Variants in LINGO2 observed in about 807,000 individuals in gnomAD.
LINGO2 encodes leucine rich repeat and Ig domain containing 2, also known as leucine-rich repeat and immunoglobulin-like domain-containing nogo receptor-interacting protein 2.
A neutral mutation model predicts 30.6 loss-of-function variants in LINGO2; 14 were observed. The ratio of observed to expected loss-of-function variants is 0.46; its 90% CI spans 0.30 to 0.72. The LOEUF (loss-of-function observed/expected upper bound fraction) is 0.72, where lower values mean the gene tolerates loss of function less well. LINGO2 is among the 30% of genes least tolerant of loss of function. The pLI is 0.07. For synonymous variants in LINGO2, 317 were observed against 288.5 expected, an observed-to-expected ratio of 1.10 and a Z score of -1.00; for missense variants, 729 against 751.7, an observed-to-expected ratio of 0.97 and a Z score of 0.35.
chr9:28,697,364 T>C, the LINGO2 span, among the ~76,000 whole-genome samples: 1 of 152,144 alleles, frequency 6.6e-6, no homozygotes, highest in African/African-American at 2.4e-5. Context: ...TCAGTGAATA[T>C]AACTTCTGAA....
At chr9:27,952,504 A>T (rs1398731400) in intron 5 of LINGO2, among the ~76,000 whole-genome samples, 1 of 152,002 alleles carries the variant, frequency 6.6e-6, no homozygotes, top group African/African-American at 2.4e-5. Flanking sequence ...CAGTAAAAAA[A>T]TTATGAAAAC....
the LINGO2 span, among the ~76,000 whole-genome samples, chr9:28,831,116 C>T: frequency 6.6e-6 from 1 of 152,098 alleles, no homozygotes; most frequent in Admixed American, 6.5e-5. Flanking sequence ...CTCCTGTCAC[C>T]TCATAAAAAA....
chr9:28,921,904 C>G, the LINGO2 span, among the ~76,000 whole-genome samples: 1 of 152,116 alleles, frequency 6.6e-6, no homozygotes, highest in South Asian at 2.1e-4. Flanking sequence ...GGATTCTTCC[C>G]TGAGGTGTTG....
chr9:29,187,639 TG>T, the LINGO2 span, among the ~76,000 whole-genome samples: 6 of 152,186 alleles, frequency 3.9e-5, no homozygotes, highest in African/African-American at 1.4e-4. Flanking sequence ...GGTGCTTAAG[TG>T]GGAAATACAT....
At chr9:29,211,027 C>T in the LINGO2 span, among the ~76,000 whole-genome samples, 3 of 152,156 alleles carry the variant, frequency 2.0e-5, no homozygotes, top group African/African-American at 7.2e-5. Context: ...AATATTTTCA[C>T]CAATGATGGA....
the LINGO2 span, among the ~76,000 whole-genome samples, chr9:29,046,322 G>T: frequency 2.6e-5 from 4 of 152,052 alleles, no homozygotes; most frequent in African/African-American, 7.2e-5. Context: ...GAACAAACCT[G>T]GAGGCATCAC....
chr9:28,728,547 A>G, the LINGO2 span, among the ~76,000 whole-genome samples: 1 of 152,306 alleles, frequency 6.6e-6, no homozygotes, highest in Non-Finnish European at 1.5e-5. Context: ...CATATCCATA[A>G]AATAAACTGT....
chr9:28,089,638 C>T (rs1017177308), intron 4 of LINGO2, among the ~76,000 whole-genome samples: 2 of 152,116 alleles, frequency 1.3e-5, no homozygotes, highest in African/African-American at 4.8e-5. Context: ...GACAACCTAA[C>T]ATCACAATGA....
chr9:28,297,470 A>C (rs561284811), intron 3 of LINGO2, among the ~76,000 whole-genome samples: 23 of 152,202 alleles, frequency 1.5e-4, no homozygotes, highest in Non-Finnish European at 2.4e-4. Context: ...TCTCTTCATG[A>C]AAAGATTATC....
chr9:28,244,017 A>G (rs1314209052), intron 4 of LINGO2, among the ~76,000 whole-genome samples: 2 of 152,224 alleles, frequency 1.3e-5, no homozygotes, highest in Admixed American at 1.3e-4. Context: ...AAACAATAGA[A>G]TATACATTCT....
chr9:28,015,344 T>G (rs1012568639), intron 4 of LINGO2, among the ~76,000 whole-genome samples: 7 of 152,144 alleles, frequency 4.6e-5, no homozygotes, highest in African/African-American at 1.7e-4. Flanking sequence ...ACAAATTTTT[T>G]ATCCCATGGA....
At chr9:28,558,819 C>T (rs1822888331) in intron 1 of LINGO2, among the ~76,000 whole-genome samples, 3 of 151,918 alleles carry the variant, frequency 2.0e-5, no homozygotes, top group African/African-American at 2.4e-5. Context: ...TGCTTTTGAG[C>T]TCGTGTGTGT....
At chr9:28,790,325 C>CTT in the LINGO2 span, among the ~76,000 whole-genome samples, 450 of 106,234 alleles carry the variant, frequency 4.2e-3, 11 homozygotes, top group African/African-American at 8.5e-3. Context: ...TCTTTTCTTT[C>CTT]TTTTTTTTTT....
chr9:28,904,967 A>G, the LINGO2 span, among the ~76,000 whole-genome samples: 1 of 151,980 alleles, frequency 6.6e-6, no homozygotes, highest in South Asian at 2.1e-4. Context: ...CCAAAAATAA[A>G]TCCACGCATT....
chr9:27,997,045 A>C (rs1013108645), intron 5 of LINGO2, among the ~76,000 whole-genome samples: 2 of 152,206 alleles, frequency 1.3e-5, no homozygotes, highest in Non-Finnish European at 2.9e-5. Flanking sequence ...TTAAACTCCA[A>C]AAGAGGAATT....
At chr9:27,947,004 G>T (rs1823390252), downstream of LINGO2, among the ~76,000 whole-genome samples, 1 of 152,030 alleles carries the variant, frequency 6.6e-6, no homozygotes, top group Non-Finnish European at 1.5e-5. Flanking sequence ...CCAGCCTTTT[G>T]AATGTCAACC....
the LINGO2 span, among the ~76,000 whole-genome samples, chr9:28,728,480 T>C: frequency 5.5e-4 from 83 of 151,506 alleles, no homozygotes; most frequent in African/African-American, 1.8e-3. Context: ...AAAAGAATGT[T>C]CTCTAGAGAA....
chr9:28,341,934 T>C (rs949829291), intron 3 of LINGO2, among the ~76,000 whole-genome samples: 2 of 152,120 alleles, frequency 1.3e-5, no homozygotes, highest in Admixed American at 1.3e-4. Context: ...TTTACCACCT[T>C]CTTTTTATCC....
the LINGO2 span, among the ~76,000 whole-genome samples, chr9:28,787,875 C>T: frequency 3.9e-5 from 6 of 152,120 alleles, no homozygotes; most frequent in Admixed American, 2.6e-4. Flanking sequence ...GAAGCACATT[C>T]ATTCTTGATT....
Sources: allele counts gnomAD v4.1 joint callset (sites outside exome capture counted in the v4.1 genomes callset), GRCh38; gene constraint gnomAD v4.1.1; transcripts MANE v1.5; gene names NCBI Gene and HGNC (gene_info 2026-07-23, HGNC 2026-07-21).